MACROD2: variants seen among roughly 807,000 people sequenced by gnomAD.
MACROD2 encodes mono-ADP ribosylhydrolase 2.
A neutral mutation model predicts 70.4 loss-of-function variants in MACROD2; 36 were observed. The ratio of observed to expected loss-of-function variants is 0.51; its 90% CI spans 0.39 to 0.68. The LOEUF (loss-of-function observed/expected upper bound fraction) is 0.68. Among genes scored for constraint, MACROD2 ranks in the 30% least tolerant of loss-of-function variants. The pLI is 0.00. For synonymous variants in MACROD2, 172 were observed against 178.8 expected (o/e 0.96, Z 0.30); for missense variants, 496 against 538.4 (o/e 0.92, Z 0.78).
intron 5 of MACROD2, among the ~76,000 whole-genome samples, chr20:14,948,486 A>G (rs2074450567): frequency 1.3e-5 from 2 of 152,246 alleles, no homozygotes; most frequent in South Asian, 2.1e-4. Context: ...ATTTCCTTTT[A>G]TCTTTCCTAG....
chr20:15,828,314 T>A (rs1346064815), intron 8 of MACROD2, among the ~76,000 whole-genome samples: 3 of 152,172 alleles, frequency 2.0e-5, no homozygotes, highest in Non-Finnish European at 4.4e-5. Context: ...CATTTCACAT[T>A]GCCTTGGTTT....
chr20:14,537,965 T>C (rs955143794), intron 4 of MACROD2, among the ~76,000 whole-genome samples: 2 of 152,214 alleles, frequency 1.3e-5, no homozygotes, highest in African/African-American at 4.8e-5. Context: ...AATGTGGATC[T>C]CAAAATACCA....
chr20:15,056,317 GCTT>G (rs2075485302), intron 5 of MACROD2, among the ~76,000 whole-genome samples: 1 of 152,128 alleles, frequency 6.6e-6, no homozygotes, highest in Non-Finnish European at 1.5e-5. Context: ...CAGTTCAACA[GCTT>G]CTTCATCTTT....
rs1157131016 is a variant in MACROD2 at position 15,347,097 on chromosome 20, TG to T, written c.541-84307del. On this transcript the variant is annotated intron_variant, in intron 6 of 17. Coordinates refer to ENST00000684519, the MANE Select transcript of MACROD2 (RefSeq NM_001351661.2). ...GCCAGGTGACTCTGTACTGAGTCAT[TG>T]TAAAGTCTTTCAAGGCTACAGGTAA... is the stretch of plus-strand genomic sequence containing the variant. Among the ~76,000 whole-genome samples the T allele has an allele frequency of 1.2e-4, 19 of 152,326 alleles. 1 individual carries two copies. Among genetic ancestry groups the T allele is most frequent in the African/African-American group, 4.6e-4 (19 of 41,580 alleles).
At chr20:15,944,950 A>G (rs928158084) in intron 12 of MACROD2, among the ~76,000 whole-genome samples, 11 of 152,128 alleles carry the variant, frequency 7.2e-5, no homozygotes, top group Admixed American at 6.6e-4. Flanking sequence ...ACTCCTCACC[A>G]TTCAATCACT....
intron 15 of MACROD2, among the ~76,000 whole-genome samples, chr20:16,035,695 A>G (rs1185154602): frequency 2.0e-5 from 3 of 151,974 alleles, no homozygotes; most frequent in Non-Finnish European, 4.4e-5. Flanking sequence ...ACCATCTTCA[A>G]CCTCAGGGGA....
Position 15,163,546 on chromosome 20 carries a change from T to C in MACROD2, c.419-66394T>C, listed in dbSNP as rs145073784. 1.6e-4 allele frequency among the ~76,000 whole-genome samples: 25 copies of C among 152,226 alleles called. No homozygotes were observed. The East Asian group carries it at 4.6e-3, about 28-fold the overall frequency. On this transcript the variant is annotated intron_variant, in intron 5 of 17. Transcript: ENST00000684519. ...AATTTACATAAGTATAGAAACCTGA[T>C]CTTCAAAATTAGAAATTAATATTTT...
At chr20:14,757,401 A>G (rs1038879136) in intron 5 of MACROD2, among the ~76,000 whole-genome samples, 1 of 152,184 alleles carries the variant, frequency 6.6e-6, no homozygotes, top group Non-Finnish European at 1.5e-5. Flanking sequence ...TGTACTAAGG[A>G]ATTTAGAAGA....
At position 15,676,137 on chromosome 20, in the gene MACROD2, C is replaced by G. The variant is rs552259196; in HGVS notation, c.645+176290C>G. The stretch of plus-strand genomic sequence containing the variant: ...AAAAATTCAAGATTCTATTTTTATT[C>G]ATGTTAAGCTCATCTTACCTGTTTG... On this transcript the variant is annotated intron_variant, in intron 8 of 17. Coordinates refer to ENST00000684519, the MANE Select transcript of MACROD2 (RefSeq NM_001351661.2). Among the ~76,000 whole-genome samples, 11 of 152,248 alleles carry G rather than the reference C, an allele frequency of 7.2e-5. No homozygotes were observed. The South Asian group carries it at 2.1e-3, about 29-fold the overall frequency.
intron 3 of MACROD2, among the ~76,000 whole-genome samples, chr20:14,468,840 C>T (rs904544254): frequency 3.9e-5 from 6 of 152,072 alleles, no homozygotes; most frequent in Admixed American, 2.0e-4. Context: ...TGTGTCATTA[C>T]ATGGGTCTCC....
At chr20:14,779,207 G>A (rs541996717) in intron 5 of MACROD2, among the ~76,000 whole-genome samples, 5 of 152,146 alleles carry the variant, frequency 3.3e-5, no homozygotes, top group East Asian at 1.9e-4. Context: ...CTCACAGCAC[G>A]TCCACAGCAA....
intron 3 of MACROD2, among the ~76,000 whole-genome samples, chr20:14,173,208 C>T (rs2081237701): frequency 2.0e-5 from 3 of 152,274 alleles, no homozygotes; most frequent in Admixed American, 2.0e-4. Context: ...GGAAATTTTC[C>T]TCGATTATCC....
chr20:15,209,428 T>A (rs1049159790), intron 5 of MACROD2, among the ~76,000 whole-genome samples: 3 of 152,284 alleles, frequency 2.0e-5, no homozygotes, highest in African/African-American at 7.2e-5. Flanking sequence ...AAATACTAGG[T>A]CTTGGTGAGT....
intron 4 of MACROD2, among the ~76,000 whole-genome samples, chr20:14,627,711 C>A (rs113489020): frequency 6.6e-6 from 1 of 152,094 alleles, no homozygotes; most frequent in African/African-American, 2.4e-5. Flanking sequence ...CCAAGCACCC[C>A]CTTTGTGTGT....
intron 5 of MACROD2, among the ~76,000 whole-genome samples, chr20:15,028,365 A>AG (rs1467264238): frequency 1.3e-5 from 2 of 152,204 alleles, no homozygotes. Flanking sequence ...GAGTGGAGTG[A>AG]GGAACAATGC....
intron 10 of MACROD2, among the ~76,000 whole-genome samples, chr20:15,898,003 G>A (rs2147235556): frequency 6.6e-6 from 1 of 152,282 alleles, no homozygotes; most frequent in South Asian, 2.1e-4. Context: ...ATACCTTAAA[G>A]TACATATTTG....
At chr20:14,053,881 A>G (rs921082650) in intron 2 of MACROD2, among the ~76,000 whole-genome samples, 6 of 152,108 alleles carry the variant, frequency 3.9e-5, no homozygotes, top group African/African-American at 1.2e-4. Flanking sequence ...ATTTTTAAAT[A>G]GTAAATATGT....
At chr20:14,042,933 T>A (rs989987612) in intron 2 of MACROD2, among the ~76,000 whole-genome samples, 5 of 151,424 alleles carry the variant, frequency 3.3e-5, no homozygotes, top group East Asian at 1.9e-4. Flanking sequence ...TTTTTTTTTT[T>A]ATTGAGACAT....
chr20:15,173,428 T>A (rs925425031), intron 5 of MACROD2, among the ~76,000 whole-genome samples: 13 of 152,210 alleles, frequency 8.5e-5, no homozygotes, highest in African/African-American at 3.1e-4. Context: ...GGATTTTTTT[T>A]ATCTTCTCCT....
Sources: allele counts gnomAD v4.1 joint callset (sites outside exome capture counted in the v4.1 genomes callset), GRCh38; gene constraint gnomAD v4.1.1; transcripts MANE v1.5; gene names NCBI Gene and HGNC (gene_info 2026-07-23, HGNC 2026-07-21).